Variants in MATCAP2 observed in about 807,000 individuals in gnomAD.
MATCAP2 encodes the protein putative tyrosine carboxypeptidase MATCAP2.
the MATCAP2 span, among the ~76,000 whole-genome samples, chr7:36,378,332 C>G: frequency 0.12 from 18,545 of 152,220 alleles, 1,180 homozygotes; most frequent in East Asian, 0.19. Context: ...AACAGTCAGG[C>G]CCCTCAGCTG....
the MATCAP2 span, chr7:36,336,147 T>G: frequency 9.8e-6 from 15 of 1,528,764 alleles, no homozygotes; most frequent in Non-Finnish European, 8.8e-7. Context: ...TCACTCGCAG[T>G]TCATACCTCC....
the MATCAP2 span, chr7:36,389,866 C>G: frequency 7.7e-7 from 1 of 1,303,262 alleles, no homozygotes; most frequent in Non-Finnish European, 1.1e-6. Flanking sequence ...GAGGCCGAGT[C>G]CGTCACTGGA....
the MATCAP2 span, chr7:36,324,756 T>C: frequency 3.9e-5 from 6 of 152,228 alleles, no homozygotes; most frequent in African/African-American, 7.2e-5. Context: ...TTAAGGTCAT[T>C]TTGTCTGCAG....
chr7:36,350,120 A>T, the MATCAP2 span, among the ~76,000 whole-genome samples: 1 of 152,258 alleles, frequency 6.6e-6, no homozygotes, highest in Non-Finnish European at 1.5e-5. Context: ...TGAGGTCTAC[A>T]AAGATAAAAT....
chr7:36,387,919 C>T, the MATCAP2 span, among the ~76,000 whole-genome samples: 1 of 152,030 alleles, frequency 6.6e-6, no homozygotes, highest in Non-Finnish European at 1.5e-5. Flanking sequence ...ACATACACAC[C>T]TTTCTTGTCA....
the MATCAP2 span, among the ~76,000 whole-genome samples, chr7:36,338,355 T>C: frequency 1.3e-5 from 2 of 152,042 alleles, no homozygotes; most frequent in South Asian, 2.1e-4. Flanking sequence ...CGGAGCACAG[T>C]AGCGCGATCA....
At chr7:36,365,429 G>A in the MATCAP2 span, among the ~76,000 whole-genome samples, 4 of 152,242 alleles carry the variant, frequency 2.6e-5, no homozygotes, top group African/African-American at 9.6e-5. Flanking sequence ...GCTGGGCACA[G>A]TGGTTCATGC....
At chr7:36,330,164 C>T in the MATCAP2 span, among the ~76,000 whole-genome samples, 1 of 151,724 alleles carries the variant, frequency 6.6e-6, no homozygotes, top group Admixed American at 6.6e-5. Context: ...GGCTCCACTG[C>T]AGCCTCGACC....
At chr7:36,390,091 C>T in the MATCAP2 span, 2 of 1,612,126 alleles carry the variant, frequency 1.2e-6, no homozygotes, top group Non-Finnish European at 8.5e-7. Flanking sequence ...CCGCTCTAGG[C>T]CCCCACCCAC....
the MATCAP2 span, among the ~76,000 whole-genome samples, chr7:36,352,396 TAAAAAAAAAAAAA>T: frequency 9.4e-6 from 1 of 106,202 alleles, no homozygotes; most frequent in Admixed American, 1.0e-4. Context: ...GACTCCATCT[TAAAAAAAAAAAAA>T]AAAAAAAAAA....
At chr7:36,371,235 C>T in the MATCAP2 span, among the ~76,000 whole-genome samples, 1 of 152,080 alleles carries the variant, frequency 6.6e-6, no homozygotes, top group Non-Finnish European at 1.5e-5. Flanking sequence ...CCTCAGCCTC[C>T]CAAGTAGCTG....
At chr7:36,363,452 A>AGTGAAATATGATTTTCCC in the MATCAP2 span, among the ~76,000 whole-genome samples, 1 of 152,260 alleles carries the variant, frequency 6.6e-6, no homozygotes, top group Non-Finnish European at 1.5e-5. Flanking sequence ...TTTTTATTCA[A>AGTGAAATATGATTTTCCC]GTGAAATATG....
the MATCAP2 span, among the ~76,000 whole-genome samples, chr7:36,376,561 T>C: frequency 6.6e-6 from 1 of 152,232 alleles, no homozygotes; most frequent in Non-Finnish European, 1.5e-5. Context: ...GAAGAATGTA[T>C]ATTCTGCTGT....
chr7:36,381,473 C>A, the MATCAP2 span, among the ~76,000 whole-genome samples: 2 of 152,012 alleles, frequency 1.3e-5, no homozygotes, highest in Non-Finnish European at 2.9e-5. Flanking sequence ...GAGTTTGAGA[C>A]CAGCCTGGCC....
chr7:36,382,152 CA>C, the MATCAP2 span, among the ~76,000 whole-genome samples: 1 of 150,586 alleles, frequency 6.6e-6, no homozygotes, highest in South Asian at 2.1e-4. Context: ...AATAATAATA[CA>C]AAAATTAGCC....
the MATCAP2 span, among the ~76,000 whole-genome samples, chr7:36,360,860 G>A: frequency 6.6e-6 from 1 of 152,220 alleles, no homozygotes; most frequent in Admixed American, 6.5e-5. Context: ...AGACTTATTT[G>A]GAGGAAGTGT....
chr7:36,343,074 A>G, the MATCAP2 span, among the ~76,000 whole-genome samples: 1 of 152,134 alleles, frequency 6.6e-6, no homozygotes, highest in African/African-American at 2.4e-5. Flanking sequence ...CCATCTTTGT[A>G]GGTCAAAATG....
the MATCAP2 span, among the ~76,000 whole-genome samples, chr7:36,351,176 A>AC: frequency 3.9e-5 from 6 of 152,150 alleles, no homozygotes; most frequent in Non-Finnish European, 7.4e-5. Context: ...TGGGTGGATC[A>AC]CCTGAGGTCA....
chr7:36,338,446 C>T, the MATCAP2 span, among the ~76,000 whole-genome samples: 16 of 151,830 alleles, frequency 1.1e-4, no homozygotes, highest in Admixed American at 9.8e-4. Context: ...AACAGACATA[C>T]ACCACCATGC....
Sources: gnomAD v4.1 joint callset for allele counts (sites outside exome capture counted in the v4.1 genomes callset) on GRCh38, gnomAD v4.1.1 for gene constraint, MANE v1.5 for transcripts, NCBI Gene and HGNC (gene_info 2026-07-23, HGNC 2026-07-21) for gene names.